Variants in CHFR observed in about 807,000 individuals in gnomAD.
The protein encoded by CHFR is E3 ubiquitin-protein ligase CHFR.
In CHFR, 57 loss-of-function variants were observed where a neutral mutation model predicts 87.6. The ratio of observed to expected loss-of-function variants is 0.65; its 90% CI spans 0.53 to 0.81. The LOEUF is 0.81. Ranked by LOEUF, CHFR falls within the 30% of genes least tolerant of loss-of-function variation. The probability of loss-of-function intolerance (pLI) is 0.00; values close to 1 mark genes in which losing one functional copy is unlikely to be tolerated. For missense variants in CHFR, 797 were observed against 865.8 expected, an observed-to-expected ratio of 0.92 and a Z score of 1.00; for synonymous variants, 381 against 359.2, an observed-to-expected ratio of 1.06 and a Z score of -0.69.
chr12:132,879,822 G>A (rs1951725222), intron 2 of CHFR, among the ~76,000 whole-genome samples: 1 of 152,102 alleles, frequency 6.6e-6, no homozygotes. Flanking sequence ...AAAGATACTA[G>A]AAGACAAAAA....
At chr12:132,843,825 T>C (rs1950751846) in intron 16 of CHFR, among the ~76,000 whole-genome samples, 1 of 151,976 alleles carries the variant, frequency 6.6e-6, no homozygotes, top group Non-Finnish European at 1.5e-5. Context: ...GGCGGGTGCC[T>C]GTAATCCCAG....
chr12:132,875,498 C>T (rs1300180431), intron 3 of CHFR, among the ~76,000 whole-genome samples: 1 of 152,070 alleles, frequency 6.6e-6, no homozygotes, highest in Non-Finnish European at 1.5e-5. Context: ...CGGCGGGCAC[C>T]TGTAATCCCA....
At chr12:132,869,501 C>A in intron 6 of CHFR, 118 bp downstream of exon 6, 1 of 874,526 alleles carries the variant, frequency 1.1e-6, no homozygotes, top group Non-Finnish European at 1.8e-6. Context: ...AGAAATCTCA[C>A]TACTGAGAAC....
intron 15 of CHFR, among the ~76,000 whole-genome samples, chr12:132,845,419 T>C (rs548109082): frequency 3.3e-5 from 5 of 151,444 alleles, no homozygotes; most frequent in South Asian, 4.2e-4. Flanking sequence ...GATTGTGCCA[T>C]TGCACTCCAG....
At chr12:132,871,159 A>G (rs1951478915) in intron 4 of CHFR, among the ~76,000 whole-genome samples, 2 of 152,214 alleles carry the variant, frequency 1.3e-5, no homozygotes, top group Non-Finnish European at 1.5e-5. Context: ...GTCTTTAGGT[A>G]TTTCAGGGGT....
intron 4 of CHFR, 34 bp downstream of exon 4, chr12:132,872,251 G>A (rs369521765): frequency 9.9e-6 from 14 of 1,419,710 alleles, no homozygotes; most frequent in Middle Eastern, 3.5e-4. Context: ...ACCCCCGTGC[G>A]GGTCTGACCC....
intron 12 of CHFR, among the ~76,000 whole-genome samples, chr12:132,850,956 T>C (rs1044206393): frequency 7.9e-6 from 1 of 126,876 alleles, no homozygotes; most frequent in African/African-American, 3.2e-5. Context: ...AATAACTGTA[T>C]GTGTGTGCAT....
chr12:132,851,800 A>T, intron 11 of CHFR, 63 bp from the exon 12 acceptor site: 1 of 1,552,244 alleles, frequency 6.4e-7, no homozygotes, highest in Non-Finnish European at 8.8e-7. Flanking sequence ...AGCAGGTTAG[A>T]GAGGCCGCCG....
At chr12:132,878,803 G>C (rs1359510997) in intron 2 of CHFR, among the ~76,000 whole-genome samples, 4 of 131,712 alleles carry the variant, frequency 3.0e-5, no homozygotes, top group African/African-American at 1.1e-4. Context: ...CTGGGTGACA[G>C]AGCAAGACTC....
chr12:132,880,616 C>A (rs553513889), intron 2 of CHFR, among the ~76,000 whole-genome samples: 1 of 150,136 alleles, frequency 6.7e-6, no homozygotes, highest in Non-Finnish European at 1.5e-5. Context: ...CAAGATGGTG[C>A]CACTGCACTC....
intron 8 of CHFR, 145 bp downstream of exon 8, chr12:132,858,923 C>T (rs1951149385): frequency 5.4e-6 from 4 of 741,088 alleles, no homozygotes; most frequent in Non-Finnish European, 8.4e-6. Flanking sequence ...ACCCACTCCA[C>T]CCACTTATCT....
In CHFR at chr12:132,839,476, A is replaced by ACACG. The variant is rs1950673795; in HGVS notation, c.*2077_*2078insCGTG. On this transcript the variant is annotated 3_prime_UTR_variant, in exon 18 of 18. Coordinates refer to ENST00000450056, the MANE Select transcript of CHFR (RefSeq NM_001161346.2). ...CCCTCTCAGCCTCACCCCTGCACTA[A>ACACG]GGACCTCCCCTCTCAGCCTCGCCTC... The ACACG allele has an allele frequency of 8.4e-6, 1 of 118,870 alleles. No individual in the cohort carries two copies. Among genetic ancestry groups the ACACG allele is most frequent in the Non-Finnish European group, 1.6e-5 (1 of 60,954 alleles). 7.4% of individuals were successfully genotyped at this position (118,870 alleles called of 1,614,324 possible).
rs1158051076 is a variant in CHFR at position 132,872,414 on chromosome 12, C to T, written c.234-20G>A. The T allele has an allele frequency of 6.4e-7, 1 of 1,553,766 alleles. No homozygotes were observed. The highest frequency in any genetic ancestry group is 8.9e-7 in the Non-Finnish European group (1 of 1,126,998). ...CTGGTGCTGTAAAAAAACAAAAACA[C>T]AATTTATTCTACTTAAAATAACTTG... On this transcript the variant is annotated intron_variant, in intron 3 of 17. Coordinates refer to ENST00000450056, the MANE Select transcript of CHFR (RefSeq NM_001161346.2).
intron 9 of CHFR, among the ~76,000 whole-genome samples, chr12:132,856,882 A>T (rs919902164): frequency 2.2e-5 from 3 of 138,346 alleles, no homozygotes; most frequent in Admixed American, 7.6e-5. Context: ...GGATGCCCTC[A>T]CTTGCCTGGG....
At chr12:132,850,654 T>C (rs1263810655) in intron 12 of CHFR, among the ~76,000 whole-genome samples, 1 of 152,182 alleles carries the variant, frequency 6.6e-6, no homozygotes, top group Non-Finnish European at 1.5e-5. Context: ...AGCAGTAACC[T>C]GTTTGGTTTC....
At chr12:132,851,234 A>G (rs1210870563) in intron 12 of CHFR, among the ~76,000 whole-genome samples, 1 of 151,958 alleles carries the variant, frequency 6.6e-6, no homozygotes, top group East Asian at 1.9e-4. Context: ...CAGAAGATCC[A>G]CCTACCTTGG....
rs748952886 is a variant in CHFR at position 132,851,688 on chromosome 12, G to A, written c.1422C>T (p.Thr474=). The change falls in exon 12 of 18, where the codon ACC becomes ACT. Residue 474 remains threonine (T), a synonymous_variant. Transcript: ENST00000450056. ...CPLQGSHALC[T]CCFQPMPDRR... ...GGTCGGGCATGGGCTGGAAGCAGCA[G>A]GTGCACAGGGCGTGGCTTCCTTGCA... is the stretch of plus-strand genomic sequence containing the variant. 1 of 1,613,470 alleles carries A rather than the reference G, an allele frequency of 6.2e-7. No homozygotes were observed. Among genetic ancestry groups the A allele is most frequent in the Admixed American group, 1.7e-5 (1 of 60,016 alleles).
chr12:132,864,251 T>C (rs887709595), intron 6 of CHFR, among the ~76,000 whole-genome samples: 1 of 150,770 alleles, frequency 6.6e-6, no homozygotes, highest in African/African-American at 2.4e-5. Flanking sequence ...AACCACCTCA[T>C]ATACGAACAG....
At chr12:132,849,411 G>GTTTA (rs1251421692) in intron 12 of CHFR, 1 of 152,032 alleles carries the variant, frequency 6.6e-6, no homozygotes, top group Non-Finnish European at 1.5e-5. Flanking sequence ...CAGGCGTGAT[G>GTTTA]CACTGCACCC....
Sources: gnomAD v4.1 joint callset for allele counts (sites outside exome capture counted in the v4.1 genomes callset) on GRCh38, gnomAD v4.1.1 for gene constraint, MANE v1.5 for transcripts, NCBI Gene and HGNC (gene_info 2026-07-23, HGNC 2026-07-21) for gene names.